Variants in LIN28B observed in about 807,000 individuals in gnomAD.
LIN28B encodes lin-28 RNA binding posttranscriptional regulator B, also known as protein lin-28 homolog B.
In LIN28B, 5 loss-of-function variants were observed where a neutral mutation model predicts 21.9. The ratio of observed to expected loss-of-function variants is 0.23; its 90% CI spans 0.12 to 0.48. LIN28B has a LOEUF of 0.48. LIN28B is among the 20% of genes least tolerant of loss of function. The probability of loss-of-function intolerance (pLI) is 0.98; values close to 1 mark genes in which losing one functional copy is unlikely to be tolerated. For missense variants in LIN28B, 245 were observed against 310.5 expected (o/e 0.79, Z 1.58); for synonymous variants, 109 against 111.3 (o/e 0.98, Z 0.13).
chr6:105,032,941 G>C (rs9322827), intron 3 of LIN28B, among the ~76,000 whole-genome samples: 1 of 151,726 alleles, frequency 6.6e-6, no homozygotes, highest in Non-Finnish European at 1.5e-5. Flanking sequence ...CTTTGTGTAA[G>C]TTTTTTTTGC....
At chr6:105,039,698 C>A (rs1771593516) in intron 3 of LIN28B, among the ~76,000 whole-genome samples, 1 of 152,076 alleles carries the variant, frequency 6.6e-6, no homozygotes, top group South Asian at 2.1e-4. Context: ...TATTTTGAAA[C>A]CTTCAGTAGG....
chr6:105,027,803 G>C (rs1771318918), intron 3 of LIN28B, among the ~76,000 whole-genome samples: 2 of 151,968 alleles, frequency 1.3e-5, no homozygotes, highest in South Asian at 4.2e-4. Context: ...ATTTGCTTTT[G>C]AAGAAAGAAC....
intron 2 of LIN28B, among the ~76,000 whole-genome samples, chr6:105,020,747 CTTTTTTTTT>C (rs1176851045): frequency 1.5e-4 from 13 of 85,422 alleles, no homozygotes; most frequent in Admixed American, 7.2e-4. Flanking sequence ...TCATTCCACT[CTTTTTTTTT>C]TTTTTTTTTT....
At chr6:104,996,342 T>C (rs1451958925) in intron 2 of LIN28B, among the ~76,000 whole-genome samples, 1 of 152,236 alleles carries the variant, frequency 6.6e-6, no homozygotes, top group African/African-American at 2.4e-5. Flanking sequence ...GACAGTGTTC[T>C]TGTTTTTGTC....
rs557777487 is a variant in LIN28B at position 104,941,460 on chromosome 6, C to T, written c.18+4344C>T. ...CTTGGAGCGGGAGGGCGGGGCGGGG[C>T]AGGGCGGGGGCGCAGGCCACGCGGG... On this transcript the variant is annotated intron_variant, in intron 2 of 5. Transcript: ENST00000635857. 276 of 147,570 alleles carry T rather than the reference C, an allele frequency of 1.9e-3. 2 individuals are homozygous for T. Among genetic ancestry groups the T allele is most frequent in the Non-Finnish European group, 3.2e-3 (216 of 66,588 alleles). The allele number at this position is 147,570 out of a possible 1,614,324, so 9.1% of individuals were successfully genotyped here.
At chr6:105,032,671 G>A (rs752719491) in intron 3 of LIN28B, among the ~76,000 whole-genome samples, 8 of 151,822 alleles carry the variant, frequency 5.3e-5, no homozygotes, top group Non-Finnish European at 7.4e-5. Context: ...GCAGTGGGTC[G>A]TGATCAGTCT....
At chr6:105,052,122 G>A (rs1011584092) in intron 3 of LIN28B, among the ~76,000 whole-genome samples, 4 of 152,128 alleles carry the variant, frequency 2.6e-5, no homozygotes, top group Admixed American at 6.5e-5. Context: ...CAAAGATTCC[G>A]AGGCATTAAT....
chr6:105,004,402 A>G (rs1423864632), intron 2 of LIN28B, among the ~76,000 whole-genome samples: 3 of 152,160 alleles, frequency 2.0e-5, no homozygotes, highest in Non-Finnish European at 4.4e-5. Context: ...TCTTTTTTGT[A>G]CAGACAACCA....
At chr6:105,060,685 T>A (rs1197348140) in intron 3 of LIN28B, among the ~76,000 whole-genome samples, 1 of 152,194 alleles carries the variant, frequency 6.6e-6, no homozygotes, top group Non-Finnish European at 1.5e-5. Flanking sequence ...GCCCAAAATA[T>A]AGTGACTTTT....
At chr6:105,078,273 A>G (rs1450266483) in intron 3 of LIN28B, 141 bp from the exon 4 acceptor site, 1 of 779,700 alleles carries the variant, frequency 1.3e-6, no homozygotes, top group Non-Finnish European at 2.0e-6. Flanking sequence ...TGTAACCAGT[A>G]TAAACAATGA....
intron 3 of LIN28B, among the ~76,000 whole-genome samples, chr6:105,063,626 A>G (rs1582927897): frequency 8.3e-6 from 1 of 119,958 alleles, no homozygotes. Flanking sequence ...ACAGAGCAAG[A>G]CTCCATCTCG....
intron 2 of LIN28B, among the ~76,000 whole-genome samples, chr6:104,964,436 GATTTGGA>G (rs1769815456): frequency 6.6e-6 from 1 of 152,144 alleles, no homozygotes; most frequent in South Asian, 2.1e-4. Flanking sequence ...CTATAGACTT[GATTTGGA>G]ATGAAATATG....
At chr6:105,070,610 A>ACACACACACACACACACACG (rs1772313699) in intron 3 of LIN28B, among the ~76,000 whole-genome samples, 1 of 149,022 alleles carries the variant, frequency 6.7e-6, no homozygotes, top group African/African-American at 2.5e-5. Flanking sequence ...ACACACACAC[A>ACACACACACACACACACACG]CACACACACA....
chr6:104,960,042 TA>T (rs1034911646), intron 2 of LIN28B, among the ~76,000 whole-genome samples: 1 of 152,192 alleles, frequency 6.6e-6, no homozygotes, highest in Admixed American at 6.5e-5. Flanking sequence ...TTCACTGAAT[TA>T]AAACATGTAG....
chr6:105,056,069 T>A (rs964869225), intron 3 of LIN28B, among the ~76,000 whole-genome samples: 94 of 152,006 alleles, frequency 6.2e-4, no homozygotes, highest in Non-Finnish European at 1.2e-3. Context: ...CCTCTGTTTT[T>A]ATTTTTTTCT....
At chr6:105,053,382 G>GGTGT (rs112180054) in intron 3 of LIN28B, among the ~76,000 whole-genome samples, 66,167 of 146,448 alleles carry the variant, frequency 0.45, 15,571 homozygotes, top group Non-Finnish European at 0.55. Context: ...TATGTCTTAT[G>GGTGT]GTGTGTGTGT....
rs369346371 is a variant in LIN28B at position 105,066,703 on chromosome 6, A to G, written c.384-11711A>G. 8.9e-4 allele frequency among the ~76,000 whole-genome samples: 135 copies of G among 152,186 alleles called. 3 individuals carry two copies. The South Asian group carries it at 0.023, about 26-fold the overall frequency. ...ATATATTGTTTGGACATTTACATCT[A>G]CTTCTCTAGATAACAAATTATTGCC... On this transcript the variant is annotated intron_variant, in intron 3 of 3. Transcript: ENST00000345080.
chr6:105,064,520 T>G (rs1170591216), intron 3 of LIN28B, among the ~76,000 whole-genome samples: 1 of 152,218 alleles, frequency 6.6e-6, no homozygotes, highest in African/African-American at 2.4e-5. Flanking sequence ...CCAGATGTTT[T>G]CCACTGAAGC....
chr6:105,023,605 A>T (rs9391261), intron 2 of LIN28B, among the ~76,000 whole-genome samples: 330 of 10,382 alleles, frequency 0.032, 20 homozygotes, highest in Non-Finnish European at 0.041. Context: ...ATATATATAA[A>T]ATATATAATA....
Sources: gnomAD v4.1 joint callset for allele counts (sites outside exome capture counted in the v4.1 genomes callset) on GRCh38, gnomAD v4.1.1 for gene constraint, MANE v1.5 for transcripts, NCBI Gene and HGNC (gene_info 2026-07-23, HGNC 2026-07-21) for gene names.